The following ARSF variants were observed in gnomAD, a reference collection of about 807,000 sequenced individuals.
ARSF encodes arylsulfatase F.
Under a neutral mutation model 35.4 loss-of-function variants are expected in ARSF, and 33 were observed. That is an observed-to-expected ratio of 0.93 (90% CI 0.71 to 1.25). The LOEUF is 1.25. Ranked by LOEUF, ARSF falls within the 50% of genes most tolerant of loss-of-function variation. ARSF has a pLI of 0.00. For synonymous variants in ARSF, 222 were observed against 193.1 expected (o/e 1.15, Z -1.24); for missense variants, 501 against 480.2 (o/e 1.04, Z -0.40).
Position 3,103,800 on chromosome X carries a change from G to C in ARSF, c.1141G>C (p.Val381Leu). The C allele has an allele frequency of 8.3e-7, 1 of 1,211,534 alleles. No individual in the cohort carries two copies. Among genetic ancestry groups the C allele is most frequent in the Non-Finnish European group, 1.1e-6 (1 of 895,334 alleles). ...GMGGWEGGIR[V>L]PGIVRWPGKV... ...GGGGGGCTGGGAAGGTGGAATCCGC[G>C]TCCCAGGAATTGTCCGATGGCCTGG... Residue 381 changes from valine to leucine, a missense_variant, in exon 9 of 11, where the codon GTC becomes CTC. By Grantham distance (32) the Val-to-Leu change is conservative (BLOSUM62 1). Transcript: ENST00000381127.
Position 3,084,421 on chromosome X carries a change from A to G in ARSF, c.585A>G (p.Leu195=). The G allele has an allele frequency of 7.4e-6, 9 of 1,211,630 alleles. No individual in the cohort carries two copies. Among genetic ancestry groups the G allele is most frequent in the Non-Finnish European group, 1.0e-5 (9 of 895,538 alleles). ...FESQLWLCVQ[L]VAIAILTLTF... ...GTCAGCTCTGGCTCTGTGTGCAGCT[A>G]GTTGCCATTGCCATCCTCACCCTAA... Residue 195 remains leucine (L), a synonymous_variant, in exon 6 of 11, where the codon CTA becomes CTG. Transcript: ENST00000381127.
chrX:3,099,919 A>C (rs1238953565), intron 7 of ARSF, among the ~76,000 whole-genome samples: 2 of 111,757 alleles, frequency 1.8e-5, no homozygotes, highest in African/African-American at 6.5e-5. Context: ...AAAATTTCTA[A>C]GGTATAGTAC....
chrX:3,042,217 A>C (rs1377774719), intron 1 of ARSF, among the ~76,000 whole-genome samples: 1 of 112,085 alleles, frequency 8.9e-6, no homozygotes, highest in Non-Finnish European at 1.9e-5. Context: ...AAACACAGAA[A>C]ATTCATAGAC....
At chrX:3,102,919 A>G (rs2090388666) in intron 8 of ARSF, among the ~76,000 whole-genome samples, 1 of 111,188 alleles carries the variant, frequency 9.0e-6, no homozygotes, top group South Asian at 3.8e-4. Context: ...TCAAAAAAAA[A>G]AAAATTAACT....
At chrX:3,089,390 G>A (rs2090271923) in intron 6 of ARSF, 106 bp from the exon 7 acceptor site, 1 of 951,088 alleles carries the variant, frequency 1.1e-6, no homozygotes, top group African/African-American at 1.9e-5. Flanking sequence ...ATCTTCTGCA[G>A]CTTGGAGAAG....
chrX:3,084,112 G>A, intron 5 of ARSF, 131 bp from the exon 6 acceptor site: 2 of 811,812 alleles, frequency 2.5e-6, no homozygotes, highest in Non-Finnish European at 3.5e-6. Context: ...AGAGGAAGGA[G>A]AATATCTCTG....
intron 1 of ARSF, among the ~76,000 whole-genome samples, chrX:3,056,275 ATTTTTTTT>A (rs773033087): frequency 8.3e-5 from 7 of 84,763 alleles, no homozygotes; most frequent in South Asian, 5.5e-4. Context: ...CATCATTCCT[ATTTTTTTT>A]TTTTTTTTTT....
chrX:3,092,085 G>T (rs1008795790), intron 7 of ARSF, among the ~76,000 whole-genome samples: 4 of 110,414 alleles, frequency 3.6e-5, no homozygotes, highest in African/African-American at 1.3e-4. Flanking sequence ...ATAGATGACA[G>T]ATAAGATAGG....
At chrX:3,074,810 G>A (rs1241996175) in intron 3 of ARSF, among the ~76,000 whole-genome samples, 3 of 110,762 alleles carry the variant, frequency 2.7e-5, no homozygotes, top group African/African-American at 9.9e-5. Flanking sequence ...ATTTATTCAC[G>A]TTTGGCTCCG....
chrX:3,085,359 A>AT (rs1491221216), intron 6 of ARSF, among the ~76,000 whole-genome samples: 139 of 105,341 alleles, frequency 1.3e-3, no homozygotes, highest in South Asian at 4.1e-3. Flanking sequence ...ACATATAGAT[A>AT]AATATATATA....
At chrX:3,045,974 C>T (rs1412980556) in intron 1 of ARSF, among the ~76,000 whole-genome samples, 1 of 110,571 alleles carries the variant, frequency 9.0e-6, no homozygotes, top group Admixed American at 9.7e-5. Context: ...CCTCTGCCTC[C>T]CGAGTTCAAG....
intron 2 of ARSF, among the ~76,000 whole-genome samples, chrX:3,071,750 T>C (rs1375360825): frequency 8.9e-6 from 1 of 112,028 alleles, no homozygotes; most frequent in Non-Finnish European, 1.9e-5. Flanking sequence ...CCACTAACAG[T>C]ATAAAAGGAT....
At chrX:3,068,250 C>A in intron 2 of ARSF, 139 bp downstream of exon 2, 1 of 514,137 alleles carries the variant, frequency 1.9e-6, no homozygotes, top group Non-Finnish European at 3.0e-6. Context: ...TTCTTGTAAC[C>A]TACTATGAGT....
chrX:3,072,739 A>G (rs1488490151), intron 3 of ARSF, among the ~76,000 whole-genome samples: 1 of 109,528 alleles, frequency 9.1e-6, no homozygotes, highest in African/African-American at 3.3e-5. Flanking sequence ...TTGTATGTAC[A>G]TGTACATATA....
At chrX:3,079,647 T>C (rs960535804) in intron 4 of ARSF, among the ~76,000 whole-genome samples, 2 of 109,570 alleles carry the variant, frequency 1.8e-5, no homozygotes, top group African/African-American at 6.6e-5. Flanking sequence ...TCCAGTCATA[T>C]AGTTCTATTT....
At chrX:3,088,803 C>T (rs970806141) in intron 6 of ARSF, among the ~76,000 whole-genome samples, 5 of 111,306 alleles carry the variant, frequency 4.5e-5, no homozygotes, top group Non-Finnish European at 9.4e-5. Context: ...TCAGGTGATC[C>T]GCCATCTTCA....
At chrX:3,089,124 G>A (rs2090269802) in intron 6 of ARSF, among the ~76,000 whole-genome samples, 1 of 111,959 alleles carries the variant, frequency 8.9e-6, no homozygotes, top group Admixed American at 9.5e-5. Flanking sequence ...CAGGATCTGT[G>A]CGATTCTAGA....
At chrX:3,105,825 T>C (rs1305842703) in intron 9 of ARSF, among the ~76,000 whole-genome samples, 2 of 112,242 alleles carry the variant, frequency 1.8e-5, no homozygotes, top group Non-Finnish European at 3.8e-5. Flanking sequence ...ATCAAAAAAC[T>C]ATGGAGAAGC....
At chrX:3,088,010 A>T (rs1194104934) in intron 6 of ARSF, among the ~76,000 whole-genome samples, 1 of 111,642 alleles carries the variant, frequency 9.0e-6, no homozygotes, top group African/African-American at 3.3e-5. Context: ...TTATATTTTG[A>T]TATCTCACCA....
Sources: allele counts gnomAD v4.1 joint callset (sites outside exome capture counted in the v4.1 genomes callset), GRCh38; gene constraint gnomAD v4.1.1; transcripts MANE v1.5; gene names NCBI Gene and HGNC (gene_info 2026-07-23, HGNC 2026-07-21).